NGEF: variants seen among roughly 807,000 people sequenced by gnomAD.
NGEF encodes the protein neuronal guanine nucleotide exchange factor, also known as ephexin-1.
In NGEF, 31 loss-of-function variants were observed where a neutral mutation model predicts 80.9. The ratio of observed to expected loss-of-function variants is 0.38; its 90% CI spans 0.29 to 0.52. The LOEUF is 0.52. Ranked by LOEUF, NGEF falls within the 20% of genes least tolerant of loss-of-function variation. The pLI is 0.84. For synonymous variants in NGEF, 371 were observed against 370.2 expected, an observed-to-expected ratio of 1.00 and a Z score of -0.03; for missense variants, 709 against 926.2, an observed-to-expected ratio of 0.77 and a Z score of 3.04.
intron 3 of NGEF, among the ~76,000 whole-genome samples, chr2:232,964,473 C>A (rs1191442779): frequency 6.6e-6 from 1 of 152,040 alleles, no homozygotes; most frequent in Non-Finnish European, 1.5e-5. Flanking sequence ...CAGGCAGATG[C>A]CTTGAGGTCA....
chr2:232,895,222 C>G (rs1404505643), intron 5 of NGEF, among the ~76,000 whole-genome samples: 1 of 152,092 alleles, frequency 6.6e-6, no homozygotes. Flanking sequence ...AAATATGAAA[C>G]AAGACAAAAA....
Position 232,884,019 on chromosome 2 carries a change from C to T in NGEF, c.1563G>A (p.Leu521=), listed in dbSNP as rs775608090. 1.9e-6 allele frequency: 3 copies of T among 1,612,320 alleles called. No homozygotes were observed. Among genetic ancestry groups the T allele is most frequent in the Non-Finnish European group, 1.7e-6 (2 of 1,179,410 alleles). The change falls in exon 11 of 15, where the codon CTG becomes CTA. Residue 521 remains leucine, a synonymous_variant. Coordinates refer to ENST00000264051, the MANE Select transcript of NGEF (RefSeq NM_019850.3). The stretch of plus-strand genomic sequence containing the variant: ...GGCAGATCACCAGCAGGTCGTTGAA[C>T]AGGAAGAGGTAAATTTCGTGGAAGA... The part of the protein sequence containing the change: ...KKLFHEIYLF[L]FNDLLVICRQ...
intron 3 of NGEF, among the ~76,000 whole-genome samples, chr2:232,956,559 G>C (rs543227568): frequency 4.6e-5 from 7 of 152,080 alleles, no homozygotes; most frequent in Non-Finnish European, 1.0e-4. Flanking sequence ...CTGAGGTCAG[G>C]AGTTCGAGAC....
At chr2:232,983,090 G>A (rs910010921) in intron 1 of NGEF, among the ~76,000 whole-genome samples, 31 of 152,224 alleles carry the variant, frequency 2.0e-4, no homozygotes, top group African/African-American at 7.0e-4. Flanking sequence ...GCTGCCCACT[G>A]GGGCATTTTG....
At chr2:232,898,364 C>G (rs916063430) in intron 5 of NGEF, among the ~76,000 whole-genome samples, 1 of 152,186 alleles carries the variant, frequency 6.6e-6, no homozygotes, top group Non-Finnish European at 1.5e-5. Context: ...CTGTCCTGAT[C>G]TTCAGGGCCA....
chr2:233,006,225 G>A (rs901417088), intron 1 of NGEF, among the ~76,000 whole-genome samples: 1 of 152,118 alleles, frequency 6.6e-6, no homozygotes, highest in Admixed American at 6.5e-5. Flanking sequence ...CCATTATTGA[G>A]TTCCCCAAAA....
At chr2:232,955,952 G>T (rs1439489967) in intron 3 of NGEF, among the ~76,000 whole-genome samples, 3 of 152,194 alleles carry the variant, frequency 2.0e-5, no homozygotes, top group Non-Finnish European at 4.4e-5. Flanking sequence ...TGGCTACCTT[G>T]TTAGTTTGGC....
chr2:232,992,213 T>A (rs371464542), intron 1 of NGEF, among the ~76,000 whole-genome samples: 1 of 152,128 alleles, frequency 6.6e-6, no homozygotes, highest in Non-Finnish European at 1.5e-5. Context: ...AGAAAATAAA[T>A]TGGACGTCAT....
At chr2:233,000,633 G>A (rs546218885) in intron 1 of NGEF, among the ~76,000 whole-genome samples, 3 of 152,092 alleles carry the variant, frequency 2.0e-5, no homozygotes, top group South Asian at 2.1e-4. Flanking sequence ...GGTGGCGGGC[G>A]CCTGTAGTCC....
rs1695249665 is a variant in NGEF, at chr2:233,013,137, C to T, written c.-144G>A. 1 of 471,164 alleles carries T rather than the reference C, an allele frequency of 2.1e-6. No individual in the cohort carries two copies. Among genetic ancestry groups the T allele is most frequent in the Admixed American group, 2.3e-5 (1 of 42,570 alleles). 29.2% of individuals were successfully genotyped at this position (471,164 alleles called of 1,614,324 possible). On this transcript the variant is annotated 5_prime_UTR_variant, in exon 1 of 15. It introduces an in-frame stop codon into an upstream open reading frame of the 5' UTR. Transcript: ENST00000264051. ...TTCCTCCCTCGTCCCCTGTCCTGTC[C>T]AGGCACCTGCGAGCAGGATGGTGTG...
At chr2:232,918,948 G>T (rs1295121001) in intron 5 of NGEF, among the ~76,000 whole-genome samples, 4 of 152,142 alleles carry the variant, frequency 2.6e-5, no homozygotes, top group Non-Finnish European at 4.4e-5. Flanking sequence ...TTTCACATCA[G>T]AAGTTTTATT....
intron 3 of NGEF, among the ~76,000 whole-genome samples, chr2:232,969,491 C>CTTTCCTTCCTTCCTT (rs1559229031): frequency 3.9e-4 from 35 of 90,828 alleles, no homozygotes; most frequent in African/African-American, 1.6e-3. Flanking sequence ...CTTCCTTCCT[C>CTTTCCTTCCTTCCTT]CCTCCCTCCC....
chr2:232,993,115 AT>A (rs1275534883), intron 1 of NGEF, among the ~76,000 whole-genome samples: 2 of 52,238 alleles, frequency 3.8e-5, no homozygotes, highest in African/African-American at 8.6e-5. Flanking sequence ...AAATATATAT[AT>A]ATAAATAAAT....
At chr2:232,952,366 C>T (rs1574632801) in intron 3 of NGEF, among the ~76,000 whole-genome samples, 1 of 152,202 alleles carries the variant, frequency 6.6e-6, no homozygotes, top group Admixed American at 6.5e-5. Context: ...TCCTGGCAAC[C>T]TTGTAGAGTT....
intron 5 of NGEF, among the ~76,000 whole-genome samples, chr2:232,914,119 T>C (rs1400578927): frequency 6.6e-6 from 1 of 152,146 alleles, no homozygotes; most frequent in East Asian, 1.9e-4. Context: ...ACAGCCACAC[T>C]CATTCCTTTA....
chr2:232,896,841 G>A, intron 5 of NGEF, among the ~76,000 whole-genome samples: 1 of 123,662 alleles, frequency 8.1e-6, no homozygotes, highest in South Asian at 2.9e-4. Flanking sequence ...TAGGGTTGAG[G>A]GTGGGGGTGA....
At chr2:232,884,659 G>T (rs1421258772) in intron 10 of NGEF, among the ~76,000 whole-genome samples, 1 of 152,216 alleles carries the variant, frequency 6.6e-6, no homozygotes, top group Non-Finnish European at 1.5e-5. Context: ...CTGAACGGCC[G>T]CCTGGCAGAC....
At chr2:232,894,656 T>G in intron 6 of NGEF, 100 bp downstream of exon 6, 1 of 1,126,230 alleles carries the variant, frequency 8.9e-7, no homozygotes, top group East Asian at 2.4e-5. Context: ...CATCTGGAAG[T>G]AGAGAAGCCA....
chr2:232,893,930 G>C (rs761982813), intron 6 of NGEF, among the ~76,000 whole-genome samples: 1 of 152,182 alleles, frequency 6.6e-6, no homozygotes, highest in African/African-American at 2.4e-5. Context: ...GTGTGGAGGA[G>C]AGACCCACTT....
Sources: allele counts gnomAD v4.1 joint callset (sites outside exome capture counted in the v4.1 genomes callset), GRCh38; gene constraint gnomAD v4.1.1; transcripts MANE v1.5; gene names NCBI Gene and HGNC (gene_info 2026-07-23, HGNC 2026-07-21).